JAZF1: variants seen among roughly 807,000 people sequenced by gnomAD.
JAZF1 encodes JAZF zinc finger 1.
JAZF1 carries 8 observed loss-of-function variants against 26.4 expected under a neutral mutation model. The ratio of observed to expected loss-of-function variants is 0.30; its 90% CI spans 0.18 to 0.55. The LOEUF is 0.55. JAZF1 is among the 20% of genes least tolerant of loss of function. The pLI is 0.94. For synonymous variants in JAZF1, 126 were observed against 122.3 expected (o/e 1.03, Z -0.20); for missense variants, 199 against 322.0 (o/e 0.62, Z 2.92).
chr7:28,144,071 G>A (rs1271221410), intron 1 of JAZF1, among the ~76,000 whole-genome samples: 1 of 152,146 alleles, frequency 6.6e-6, no homozygotes, highest in Non-Finnish European at 1.5e-5. Flanking sequence ...CTAGGAACAG[G>A]TTCTGCATTT....
intron 1 of JAZF1, among the ~76,000 whole-genome samples, chr7:28,045,536 A>C (rs1783481283): frequency 6.6e-6 from 1 of 152,188 alleles, no homozygotes; most frequent in African/African-American, 2.4e-5. Flanking sequence ...AATTGTTAAA[A>C]GTGCAATGAG....
In JAZF1 at chr7:27,832,639, C is replaced by G; in HGVS notation, c.*161G>C. 1.9e-6 allele frequency: 1 copy of G among 533,734 alleles called. No individual in the cohort carries two copies. Among genetic ancestry groups the G allele is most frequent in the Non-Finnish European group, 3.2e-6 (1 of 312,962 alleles). The allele number at this position is 533,734 out of a possible 1,614,324, so 33.1% of individuals were successfully genotyped here. ...GTGCAAATGTACAAAATCATTAACT[C>G]TACAAAGATACATCATTCCAAAATT... On this transcript the variant is annotated 3_prime_UTR_variant, in exon 5 of 5. Coordinates refer to ENST00000283928, the MANE Select transcript of JAZF1 (RefSeq NM_175061.4).
At chr7:28,121,261 C>A (rs566846185) in intron 1 of JAZF1, among the ~76,000 whole-genome samples, 3 of 152,128 alleles carry the variant, frequency 2.0e-5, no homozygotes, top group Admixed American at 2.0e-4. Flanking sequence ...TTTACCCTCC[C>A]CTCTGGCCAG....
intron 1 of JAZF1, among the ~76,000 whole-genome samples, chr7:28,010,698 C>G (rs533987949): frequency 6.6e-6 from 1 of 152,176 alleles, no homozygotes; most frequent in Admixed American, 6.5e-5. Flanking sequence ...TGCTTTGTTC[C>G]CAACAGACTC....
chr7:28,132,221 C>T (rs1186290043), intron 1 of JAZF1, among the ~76,000 whole-genome samples: 1 of 152,138 alleles, frequency 6.6e-6, no homozygotes, highest in East Asian at 1.9e-4. Context: ...GCGGTCTTGG[C>T]CCAAAAGACA....
At chr7:28,041,267 A>G (rs534961889) in intron 1 of JAZF1, among the ~76,000 whole-genome samples, 3 of 152,210 alleles carry the variant, frequency 2.0e-5, no homozygotes, top group African/African-American at 7.2e-5. Context: ...GTATGATTTG[A>G]TATTGCTGAC....
chr7:27,904,573 T>C (rs544315618), intron 2 of JAZF1, among the ~76,000 whole-genome samples: 2 of 152,340 alleles, frequency 1.3e-5, no homozygotes, highest in South Asian at 4.1e-4. Context: ...TAAATAATCC[T>C]ATGTTTCACT....
At chr7:27,955,436 A>T (rs1305222114) in intron 2 of JAZF1, among the ~76,000 whole-genome samples, 2 of 152,212 alleles carry the variant, frequency 1.3e-5, no homozygotes, top group African/African-American at 4.8e-5. Flanking sequence ...AGGACTTTTA[A>T]TTAGCTTTCT....
intron 3 of JAZF1, among the ~76,000 whole-genome samples, chr7:27,877,142 T>C (rs1387785888): frequency 1.4e-5 from 2 of 145,338 alleles, no homozygotes; most frequent in Non-Finnish European, 3.1e-5. Flanking sequence ...ACCGACCACG[T>C]TTATTTTCTT....
At chr7:27,873,576 C>G (rs878893075) in intron 3 of JAZF1, among the ~76,000 whole-genome samples, 1 of 152,190 alleles carries the variant, frequency 6.6e-6, no homozygotes, top group Non-Finnish European at 1.5e-5. Context: ...TCTTGAAAAC[C>G]TCTCAAATGC....
At chr7:27,888,878 A>C (rs1387356649) in intron 3 of JAZF1, among the ~76,000 whole-genome samples, 15 of 152,204 alleles carry the variant, frequency 9.9e-5, no homozygotes, top group Admixed American at 9.8e-4. Context: ...AATATTTTCC[A>C]GGAGTAACTA....
At position 27,916,623 on chromosome 7, in the gene JAZF1, T is replaced by G. The variant is rs553953083; in HGVS notation, c.189-21207A>C. 1.5e-4 allele frequency among the ~76,000 whole-genome samples: 23 copies of G among 152,338 alleles called. No homozygotes were observed. The South Asian group carries it at 4.6e-3, about 30-fold the overall frequency. On this transcript the variant is annotated intron_variant, in intron 2 of 4. Transcript: ENST00000283928. ...AAGTCACCTCACAGCCTTCTTGTGC[T>G]TAGGGACTCTAGATAGCACTTCAGC... is the stretch of plus-strand genomic sequence containing the variant.
chr7:28,093,290 C>A (rs1352720835), intron 1 of JAZF1, among the ~76,000 whole-genome samples: 1 of 152,104 alleles, frequency 6.6e-6, no homozygotes, highest in South Asian at 2.1e-4. Context: ...GTAAGTCTTG[C>A]GAGATCTGAT....
intron 1 of JAZF1, among the ~76,000 whole-genome samples, chr7:28,059,681 C>T (rs1783768432): frequency 6.6e-6 from 1 of 152,188 alleles, no homozygotes; most frequent in African/African-American, 2.4e-5. Context: ...TGTTGCTCCT[C>T]TTTCCCTGGT....
chr7:27,839,813 T>G (rs1239244139), intron 4 of JAZF1, among the ~76,000 whole-genome samples: 2 of 152,212 alleles, frequency 1.3e-5, no homozygotes, highest in East Asian at 3.9e-4. Context: ...GCAATATAAG[T>G]GCTTATGCTA....
chr7:27,909,526 G>A (rs887997880), intron 2 of JAZF1, among the ~76,000 whole-genome samples: 5 of 152,002 alleles, frequency 3.3e-5, no homozygotes, highest in Admixed American at 2.6e-4. Context: ...GACCAACATG[G>A]AGAAACCCCC....
At chr7:27,997,654 A>T (rs1178701201) in intron 1 of JAZF1, among the ~76,000 whole-genome samples, 2 of 152,234 alleles carry the variant, frequency 1.3e-5, no homozygotes, top group African/African-American at 4.8e-5. Flanking sequence ...CTGCAGCCTC[A>T]AACTCTGGGC....
intron 1 of JAZF1, among the ~76,000 whole-genome samples, chr7:28,026,887 TCA>T (rs1783103451): frequency 6.6e-6 from 1 of 152,210 alleles, no homozygotes; most frequent in Non-Finnish European, 1.5e-5. Context: ...ACCGCTTACC[TCA>T]GTTTTCCACT....
chr7:27,832,718 A>C lies in JAZF1; in HGVS notation c.*82T>G. Reference sequence around the variant, plus strand: ...TTCTTTTTCTTTAAAGGGTTGCTGAATGCTTCCCCTGAAAAAAGGTGGCTG... The same window carrying C: ...TTCTTTTTCTTTAAAGGGTTGCTGACTGCTTCCCCTGAAAAAAGGTGGCTG... On this transcript the variant is annotated 3_prime_UTR_variant, in exon 5 of 5. Coordinates refer to ENST00000283928, the MANE Select transcript of JAZF1 (RefSeq NM_175061.4). 2 of 1,169,920 alleles carry C rather than the reference A, an allele frequency of 1.7e-6. No individual in the cohort carries two copies. The highest frequency in any genetic ancestry group is 1.2e-6 in the Non-Finnish European group (1 of 849,862). 72.5% of individuals were successfully genotyped at this position (1,169,920 alleles called of 1,614,324 possible). A position where few individuals can be genotyped will look rare whatever the true frequency, so the allele number is the denominator to read the frequency against.
Sources: allele counts gnomAD v4.1 joint callset (sites outside exome capture counted in the v4.1 genomes callset), GRCh38; gene constraint gnomAD v4.1.1; transcripts MANE v1.5; gene names NCBI Gene and HGNC (gene_info 2026-07-23, HGNC 2026-07-21).